NFYC: variants seen among roughly 807,000 people sequenced by gnomAD.
NFYC encodes nuclear transcription factor Y subunit gamma.
In NFYC, 25 loss-of-function variants were observed where a neutral mutation model predicts 53.1. That is an observed-to-expected ratio of 0.47 (90% CI 0.34 to 0.66). The LOEUF is 0.66. Ranked by LOEUF, NFYC falls within the 30% of genes least tolerant of loss-of-function variation. The pLI, the probability that NFYC is intolerant of heterozygous loss-of-function variation, is 0.01. For synonymous variants in NFYC, 145 were observed against 152.6 expected (o/e 0.95, Z 0.37); for missense variants, 260 against 422.7 (o/e 0.62, Z 3.38).
chr1:40,696,879 G>C (rs2148404412), intron 1 of NFYC, among the ~76,000 whole-genome samples: 1 of 152,312 alleles, frequency 6.6e-6, no homozygotes, highest in East Asian at 1.9e-4. Context: ...CACTGTCACA[G>C]TTTAGGAAGG....
At chr1:40,734,467 C>T (rs1192085708) in intron 1 of NFYC, among the ~76,000 whole-genome samples, 7 of 152,154 alleles carry the variant, frequency 4.6e-5, no homozygotes, top group African/African-American at 1.7e-4. Flanking sequence ...GGTTTGCAGC[C>T]TCCACCTCCT....
chr1:40,739,462 G>A lies in NFYC; in HGVS notation c.105+514G>A, dbSNP rs754480675. On this transcript the variant is annotated intron_variant, in intron 2 of 9. Transcript: ENST00000447388. ...GGGCCAGATAATTCTTTGTTGTGAG[G>A]GGCCGTCTTATGCATAACAGCATGT... Among the ~76,000 whole-genome samples, 232 of 152,028 alleles carry A rather than the reference G, an allele frequency of 1.5e-3. 2 individuals carry two copies. Among genetic ancestry groups the A allele is most frequent in the Non-Finnish European group, 1.2e-3 (80 of 68,000 alleles).
chr1:40,770,257 C>T lies in NFYC; in HGVS notation c.889-452C>T, dbSNP rs148395740. ...AAATTCAAATTCAGTTTAGTTTCAA[C>T]CTGAGCCAGATATTCTGAGAAAAGA... On this transcript the variant is annotated intron_variant, in intron 9 of 9. Transcript: ENST00000447388. The surrounding 1 kb of genome is among the most constrained non-coding windows in gnomAD (Gnocchi z 5.3). 5.0e-4 allele frequency: 429 copies of T among 864,100 alleles called. No homozygotes were observed. Among genetic ancestry groups the T allele is most frequent in the Non-Finnish European group, 6.4e-4 (369 of 574,492 alleles). 53.5% of individuals were successfully genotyped at this position (864,100 alleles called of 1,614,324 possible).
At chr1:40,714,315 G>C (rs546093753) in intron 1 of NFYC, among the ~76,000 whole-genome samples, 120 of 152,262 alleles carry the variant, frequency 7.9e-4, no homozygotes, top group Middle Eastern at 6.8e-3. Context: ...TATCTTAACT[G>C]TGCTGACTTT....
At chr1:40,706,038 G>T (rs887363524) in intron 1 of NFYC, among the ~76,000 whole-genome samples, 3 of 152,130 alleles carry the variant, frequency 2.0e-5, no homozygotes, top group Non-Finnish European at 2.9e-5. Context: ...GAGCCAACAC[G>T]CCTGGCCCAG....
At chr1:40,703,767 C>T (rs1354754688) in intron 1 of NFYC, among the ~76,000 whole-genome samples, 2 of 152,138 alleles carry the variant, frequency 1.3e-5, no homozygotes, top group Non-Finnish European at 2.9e-5. Flanking sequence ...TTATGTGTAC[C>T]TGCTGTATAA....
intron 1 of NFYC, among the ~76,000 whole-genome samples, chr1:40,715,395 CA>C (rs1644096761): frequency 1.3e-5 from 2 of 150,762 alleles, no homozygotes; most frequent in South Asian, 4.2e-4. Flanking sequence ...GAAAAAAAAA[CA>C]AAAAACAAAA....
chr1:40,743,533 C>T (rs140027816), intron 2 of NFYC, among the ~76,000 whole-genome samples: 55 of 152,364 alleles, frequency 3.6e-4, no homozygotes, highest in African/African-American at 1.3e-3. Context: ...TTACTCTTTA[C>T]ATCCCATTCA....
chr1:40,767,493 G>A (rs1484685652), intron 8 of NFYC, among the ~76,000 whole-genome samples: 5 of 152,210 alleles, frequency 3.3e-5, no homozygotes, highest in Admixed American at 2.6e-4. Flanking sequence ...TAGTCTCTGG[G>A]ATCATTAAGG....
At chr1:40,754,626 T>C (rs945648283) in intron 5 of NFYC, among the ~76,000 whole-genome samples, 2 of 152,226 alleles carry the variant, frequency 1.3e-5, no homozygotes, top group African/African-American at 4.8e-5. Flanking sequence ...AATTGTTTTC[T>C]CCTTTTGTCT....
intron 1 of NFYC, among the ~76,000 whole-genome samples, chr1:40,737,813 G>T (rs1454403446): frequency 1.3e-5 from 2 of 151,972 alleles, no homozygotes; most frequent in Non-Finnish European, 2.9e-5. Context: ...ATTTGTCTGA[G>T]ATTAGAAGGA....
At chr1:40,739,003 T>C in intron 2 of NFYC, 55 bp downstream of exon 2, 1 of 1,292,912 alleles carries the variant, frequency 7.7e-7, no homozygotes, top group Non-Finnish European at 1.1e-6. Flanking sequence ...TAAAGAGCTC[T>C]GGGAAATTAA....
rs942889161 is a variant in NFYC at position 40,770,524 on chromosome 1, G to A, written c.889-185G>A. On this transcript the variant is annotated intron_variant, in intron 9 of 9. Coordinates refer to ENST00000447388, the MANE Select transcript of NFYC (RefSeq NM_014223.5). The surrounding 1 kb of genome is among the most constrained non-coding windows in gnomAD (Gnocchi z 5.3). ...CCCACCACACACCCCCCCTCACACC[G>A]GGCTGGTGCCTCCTGTGTCTGCTGC... The A allele has an allele frequency of 1.0e-5, 16 of 1,560,848 alleles. No individual in the cohort carries two copies. Among genetic ancestry groups the A allele is most frequent in the Non-Finnish European group, 1.2e-5 (14 of 1,152,406 alleles).
chr1:40,770,284 G>A lies in NFYC; in HGVS notation c.889-425G>A, dbSNP rs1570772861. On this transcript the variant is annotated intron_variant, in intron 9 of 9. Transcript: ENST00000447388. The surrounding 1 kb of genome is among the most constrained non-coding windows in gnomAD (Gnocchi z 5.3). ...TGAGCCAGATATTCTGAGAAAAGAA[G>A]GAGAGGAGGGGGTAATCCTACTGCC... The A allele has an allele frequency of 1.0e-6, 1 of 995,886 alleles. No individual in the cohort carries two copies. The highest frequency in any genetic ancestry group is 1.5e-6 in the Non-Finnish European group (1 of 689,146). The allele number at this position is 995,886 out of a possible 1,614,324, so 61.7% of individuals were successfully genotyped here.
At chr1:40,744,516 C>G (rs1645510749) in intron 2 of NFYC, among the ~76,000 whole-genome samples, 2 of 152,198 alleles carry the variant, frequency 1.3e-5, no homozygotes, top group South Asian at 4.1e-4. Context: ...CAGTGCAGCC[C>G]AAGATCTGTT....
At chr1:40,722,708 A>G (rs1004733812) in intron 1 of NFYC, among the ~76,000 whole-genome samples, 2 of 152,232 alleles carry the variant, frequency 1.3e-5, no homozygotes, top group African/African-American at 4.8e-5. Flanking sequence ...AGATGAATAG[A>G]GAAGTTTCTA....
chr1:40,696,501 G>A (rs1643153996), intron 1 of NFYC, among the ~76,000 whole-genome samples: 1 of 152,218 alleles, frequency 6.6e-6, no homozygotes, highest in Non-Finnish European at 1.5e-5. Context: ...AGATGACCTT[G>A]ACAGGGTCAC....
At chr1:40,716,483 G>A (rs1296188748) in intron 1 of NFYC, among the ~76,000 whole-genome samples, 1 of 152,156 alleles carries the variant, frequency 6.6e-6, no homozygotes, top group Non-Finnish European at 1.5e-5. Flanking sequence ...GTATGGAGAA[G>A]TAGATTGGGT....
At chr1:40,730,227 AG>A (rs1378798733) in intron 1 of NFYC, among the ~76,000 whole-genome samples, 5 of 114,364 alleles carry the variant, frequency 4.4e-5, no homozygotes, top group Non-Finnish European at 8.5e-5. Flanking sequence ...TGGTAGAGAT[AG>A]GGGGTGTCTC....
Sources: gnomAD v4.1 joint callset for allele counts (sites outside exome capture counted in the v4.1 genomes callset) on GRCh38, gnomAD v4.1.1 for gene constraint, Gnocchi (gnomAD v3.1) non-coding constraint, MANE v1.5 for transcripts, NCBI Gene and HGNC (gene_info 2026-07-23, HGNC 2026-07-21) for gene names.